EMB: variants seen among roughly 807,000 people sequenced by gnomAD.
EMB encodes the protein embigin.
Under a neutral mutation model 41.4 loss-of-function variants are expected in EMB, and 31 were observed. The observed-to-expected ratio is 0.75, with a 90% confidence interval of 0.56 to 1.01. The LOEUF (loss-of-function observed/expected upper bound fraction) is 1.01, where lower values mean the gene tolerates loss of function less well. Among genes scored for constraint, EMB ranks in the 50% least tolerant of loss-of-function variants. The pLI is 0.00. For missense variants in EMB, 379 were observed against 388.3 expected (o/e 0.98, Z 0.20); for synonymous variants, 137 against 140.4 (o/e 0.98, Z 0.17).
intron 2 of EMB, among the ~76,000 whole-genome samples, chr5:50,421,446 G>C (rs1381886974): frequency 3.3e-5 from 5 of 152,062 alleles, no homozygotes. Context: ...CACTGTTGGT[G>C]GGACTGTAAA....
At chr5:50,432,553 A>G (rs1228245406) in intron 1 of EMB, among the ~76,000 whole-genome samples, 1 of 152,122 alleles carries the variant, frequency 6.6e-6, no homozygotes, top group Non-Finnish European at 1.5e-5. Context: ...ATATGGTTAA[A>G]ACTTAGCTTT....
intron 1 of EMB, among the ~76,000 whole-genome samples, chr5:50,440,113 C>T (rs1745873236): frequency 6.6e-6 from 1 of 152,170 alleles, no homozygotes; most frequent in South Asian, 2.1e-4. Context: ...CACACACACA[C>T]ATGCACACAC....
intron 1 of EMB, among the ~76,000 whole-genome samples, chr5:50,439,466 A>C (rs1745859277): frequency 6.7e-6 from 1 of 150,334 alleles, no homozygotes; most frequent in African/African-American, 2.5e-5. Flanking sequence ...ACTGGTGTAC[A>C]TCACCACAAC....
At position 50,428,171 on chromosome 5, in the gene EMB, A is replaced by C. The variant is rs771797723; in HGVS notation, c.169T>G (p.Leu57Val). 1.2e-6 allele frequency: 2 copies of C among 1,611,918 alleles called. No individual in the cohort carries two copies. Among genetic ancestry groups the C allele is most frequent in the South Asian group, 2.2e-5 (2 of 90,972 alleles). The change falls in exon 2 of 9, where the codon TTG (leucine) becomes GTG (valine). Residue 57 changes from leucine (L) to valine (V), a missense_variant. By Grantham distance (32) the Leu-to-Val change is conservative. Transcript: ENST00000303221. Reference sequence around the variant, plus strand: ...GTCAGTGATATGTTATGACTCTCCAAGGAAAAGTTATTTGCCATTATTTCT... The same window carrying C: ...GTCAGTGATATGTTATGACTCTCCACGGAAAAGTTATTTGCCATTATTTCT... Reference protein sequence around the residue: ...REEIMANNFSLESHNISLTEH... With the variant: ...REEIMANNFSVESHNISLTEH...
At chr5:50,435,687 C>T (rs1460091082) in intron 1 of EMB, among the ~76,000 whole-genome samples, 1 of 152,142 alleles carries the variant, frequency 6.6e-6, no homozygotes, top group African/African-American at 2.4e-5. Flanking sequence ...TATAAAGTTA[C>T]TCTTTTTCCC....
At chr5:50,434,096 A>C (rs1745766295) in intron 1 of EMB, among the ~76,000 whole-genome samples, 2 of 152,150 alleles carry the variant, frequency 1.3e-5, no homozygotes, top group East Asian at 1.9e-4. Context: ...CAAAGACCCT[A>C]CTCCCAAATA....
At position 50,441,123 on chromosome 5, in the gene EMB, G is replaced by A. The variant is rs1295461128; in HGVS notation, c.29C>T (p.Ala10Val). The A allele has an allele frequency of 1.3e-6, 2 of 1,509,710 alleles. No individual in the cohort carries two copies. The highest frequency in any genetic ancestry group is 1.4e-5 in the African/African-American group (1 of 70,366). 93.5% of individuals were successfully genotyped at this position (1,509,710 alleles called of 1,614,324 possible). A position where few individuals can be genotyped will look rare whatever the true frequency, so the allele number is the denominator to read the frequency against. Residue 10 changes from alanine to valine, a missense_variant, in exon 1 of 9, where the codon GCC (alanine) becomes GTC (valine). By Grantham distance (64) the Ala-to-Val change is moderately conservative. Coordinates refer to ENST00000303221, the MANE Select transcript of EMB (RefSeq NM_198449.3). The stretch of plus-strand genomic sequence containing the variant: ...GAGCAGCCGGGGCGTACGCGCCCTG[G>A]CCTCCAGCAGGCCGGGGAGGGCGCG... Reference protein sequence around the residue: MRALPGLLEARARTPRLLLL... With the variant: MRALPGLLEVRARTPRLLLL...
rs766636311 is a variant in EMB at position 50,411,292 on chromosome 5, C to T, written c.288G>A (p.Leu96=). ...TTTTCCAAGTCACATTTACTGCATT[C>T]AAATCCCCAGATGTTGTGAACTGGC... The part of the protein sequence containing the change: ...LTCQFTTSGD[L]NAVNVTWKKD... The change falls in exon 3 of 9, where the codon TTG becomes TTA. Residue 96 remains leucine (L), a synonymous_variant. Coordinates refer to ENST00000303221, the MANE Select transcript of EMB (RefSeq NM_198449.3). The T allele has an allele frequency of 3.7e-6, 6 of 1,613,062 alleles. No homozygotes were observed. In the Admixed American group the frequency reaches 5.0e-5, roughly 13 times the overall value.
intron 2 of EMB, among the ~76,000 whole-genome samples, chr5:50,417,290 A>AT (rs1364956081): frequency 2.0e-5 from 3 of 152,226 alleles, no homozygotes; most frequent in Non-Finnish European, 4.4e-5. Context: ...AATGGATCTT[A>AT]TTTTTATCAT....
chr5:50,434,146 T>A (rs1745766922), intron 1 of EMB, among the ~76,000 whole-genome samples: 1 of 152,214 alleles, frequency 6.6e-6, no homozygotes, highest in African/African-American at 2.4e-5. Context: ...GGATTAAACA[T>A]ATCTTTTTGG....
Position 50,441,114 on chromosome 5 carries a change from C to A in EMB, c.38G>T (p.Arg13Leu). The A allele has an allele frequency of 6.6e-7, 1 of 1,515,324 alleles. No individual in the cohort carries two copies. Among genetic ancestry groups the A allele is most frequent in the Non-Finnish European group, 8.8e-7 (1 of 1,135,702 alleles). 93.9% of individuals were successfully genotyped at this position (1,515,324 alleles called of 1,614,324 possible). ...ALPGLLEARA[R>L]TPRLLLLQCL... ...CTGGAGGAGGAGCAGCCGGGGCGTA[C>A]GCGCCCTGGCCTCCAGCAGGCCGGG... Residue 13 changes from arginine (R) to leucine (L), a missense_variant, in exon 1 of 9, where the codon CGT (arginine) becomes CTT (leucine). Arg to Leu is a moderately radical substitution (Grantham distance 102). Coordinates refer to ENST00000303221, the MANE Select transcript of EMB (RefSeq NM_198449.3).
At chr5:50,428,987 C>G (rs1745668953) in intron 1 of EMB, among the ~76,000 whole-genome samples, 1 of 152,044 alleles carries the variant, frequency 6.6e-6, no homozygotes, top group African/African-American at 2.4e-5. Context: ...CCTCAGCCTC[C>G]CCGGTTCAAG....
intron 2 of EMB, among the ~76,000 whole-genome samples, chr5:50,426,281 T>A (rs2111841125): frequency 6.6e-6 from 1 of 152,322 alleles, no homozygotes; most frequent in Non-Finnish European, 1.5e-5. Context: ...GTGCCTCTCT[T>A]TCCTCACCTG....
chr5:50,405,455 A>C (rs963932965), intron 5 of EMB, among the ~76,000 whole-genome samples: 10 of 151,942 alleles, frequency 6.6e-5, no homozygotes, highest in African/African-American at 2.4e-4. Context: ...ATTTCTTTTC[A>C]AAGAATGTAA....
At chr5:50,402,500 C>T (rs1383809862) in intron 6 of EMB, among the ~76,000 whole-genome samples, 181 bp from the exon 7 acceptor site, 76 of 151,974 alleles carry the variant, frequency 5.0e-4, no homozygotes, top group Non-Finnish European at 2.9e-5. Context: ...CAGACCTTAT[C>T]TGCATTTCTG....
chr5:50,403,051 T>C (rs926421947), intron 6 of EMB, 127 bp downstream of exon 6: 3 of 866,476 alleles, frequency 3.5e-6, no homozygotes, highest in Non-Finnish European at 5.1e-6. Flanking sequence ...AAAATGAAGA[T>C]TTTCCCCAAA....
chr5:50,430,644 G>A (rs1364082660), intron 1 of EMB, among the ~76,000 whole-genome samples: 1 of 152,018 alleles, frequency 6.6e-6, no homozygotes, highest in Non-Finnish European at 1.5e-5. Context: ...ACCCATTAAT[G>A]CATAGTATAT....
At position 50,397,053 on chromosome 5, in the gene EMB, C is replaced by A. The variant is rs980062299; in HGVS notation, c.*2220G>T. On this transcript the variant is annotated 3_prime_UTR_variant, in exon 9 of 9. Transcript: ENST00000303221. Reference sequence around the variant, plus strand: ...TGGGAATTTTATGCCATCATTAAATCTACTTATTATGCTGAAAATCCTTGT... The same window carrying A: ...TGGGAATTTTATGCCATCATTAAATATACTTATTATGCTGAAAATCCTTGT... The A allele has an allele frequency of 2.0e-5, 3 of 151,980 alleles. No individual in the cohort carries two copies. Among genetic ancestry groups the A allele is most frequent in the Admixed American group, 6.6e-5 (1 of 15,232 alleles). The allele number at this position is 151,980 out of a possible 1,614,324, so 9.4% of individuals were successfully genotyped here.
Position 50,441,185 on chromosome 5 carries a change from A to ACTGCTC in EMB, c.-40_-35dup. 7.6e-7 allele frequency: 1 copy of ACTGCTC among 1,315,496 alleles called. No individual in the cohort carries two copies. The allele number at this position is 1,315,496 out of a possible 1,614,324, so 81.5% of individuals were successfully genotyped here. A position where few individuals can be genotyped will look rare whatever the true frequency, so the allele number is the denominator to read the frequency against. ...AGGGTCCGCCTGGGTCCTCGTGGAG[A>ACTGCTC]CTGCTCCCTCAGCTCGCCGCCGCGG... On this transcript the variant is annotated 5_prime_UTR_variant, in exon 1 of 9. Coordinates refer to ENST00000303221, the MANE Select transcript of EMB (RefSeq NM_198449.3).
Sources: allele counts gnomAD v4.1 joint callset (sites outside exome capture counted in the v4.1 genomes callset), GRCh38; gene constraint gnomAD v4.1.1; transcripts MANE v1.5; gene names NCBI Gene and HGNC (gene_info 2026-07-23, HGNC 2026-07-21).